UBE2U: variants seen among roughly 807,000 people sequenced by gnomAD.
UBE2U encodes the protein ubiquitin conjugating enzyme E2 U, also known as ubiquitin-conjugating enzyme E2 U.
Under a neutral mutation model 41.2 loss-of-function variants are expected in UBE2U, and 39 were observed. The observed-to-expected ratio is 0.95, with a 90% CI of 0.73 to 1.24. UBE2U has a LOEUF of 1.24. UBE2U is among the 50% of genes most tolerant of loss of function. The pLI, the probability that UBE2U is intolerant of heterozygous loss-of-function variation, is 0.00. For missense variants in UBE2U, 336 were observed against 363.1 expected (o/e 0.93, Z 0.61); for synonymous variants, 107 against 117.8 (o/e 0.91, Z 0.60).
At chr1:64,212,819 A>G (rs1395532381) in intron 4 of UBE2U, among the ~76,000 whole-genome samples, 1 of 152,132 alleles carries the variant, frequency 6.6e-6, no homozygotes, top group African/African-American at 2.4e-5. Flanking sequence ...AGGATGCTGA[A>G]CCTCTAGTTA....
intron 5 of UBE2U, among the ~76,000 whole-genome samples, chr1:64,220,276 A>G (rs143432434): frequency 1.3e-5 from 2 of 151,362 alleles, no homozygotes; most frequent in Non-Finnish European, 3.0e-5. Flanking sequence ...AAGTGCAAGC[A>G]AGAGAGAGAG....
intron 6 of UBE2U, among the ~76,000 whole-genome samples, chr1:64,221,429 T>A (rs1181961477): frequency 6.6e-6 from 1 of 152,206 alleles, no homozygotes. Context: ...GCCTTTTTTA[T>A]ATTTTTGAAA....
At position 64,203,640 on chromosome 1, in the gene UBE2U, C is replaced by A. The variant is rs1007690357; in HGVS notation, c.-411C>A. 1.9e-5 allele frequency: 3 copies of A among 157,394 alleles called. No homozygotes were observed. Among genetic ancestry groups the A allele is most frequent in the African/African-American group, 7.2e-5 (3 of 41,708 alleles). 9.7% of individuals were successfully genotyped at this position (157,394 alleles called of 1,614,324 possible). A position where few individuals can be genotyped will look rare whatever the true frequency, so the allele number is the denominator to read the frequency against. ...TGGTTGGCAACCGATTTGCTTCCTC[C>A]GGTGCGTGGCTGCGGGGTTGCACCT... On this transcript the variant is annotated 5_prime_UTR_variant, in exon 1 of 10. Transcript: ENST00000371077.
intron 7 of UBE2U, among the ~76,000 whole-genome samples, chr1:64,239,141 GAAGAAGAAGAAGAAGAAAGAAGAAGAA>G (rs1557730571): frequency 3.6e-3 from 100 of 28,132 alleles, no homozygotes; most frequent in Non-Finnish European, 4.5e-3. Context: ...AGAAGAAGAA[GAAGAAGAAGAAGAAGAAAGAAGAAGAA>G]GAAGAAGAAG....
At chr1:64,231,096 T>C (rs1644555488) in intron 6 of UBE2U, among the ~76,000 whole-genome samples, 1 of 152,210 alleles carries the variant, frequency 6.6e-6, no homozygotes, top group Non-Finnish European at 1.5e-5. Context: ...CAAACCACAC[T>C]AAAGTTATAC....
At chr1:64,218,473 G>C (rs1314413937) in intron 5 of UBE2U, among the ~76,000 whole-genome samples, 10 of 152,126 alleles carry the variant, frequency 6.6e-5, no homozygotes, top group Admixed American at 5.2e-4. Flanking sequence ...ACAAATAATA[G>C]GAATCAGTTT....
intron 8 of UBE2U, among the ~76,000 whole-genome samples, chr1:64,253,521 C>A (rs1477262835): frequency 6.6e-6 from 1 of 151,856 alleles, no homozygotes; most frequent in Non-Finnish European, 1.5e-5. Flanking sequence ...GAGAGAAAGG[C>A]CAAGGCACCT....
At chr1:64,244,385 A>G (rs2100474366) in intron 8 of UBE2U, 1 of 583,302 alleles carries the variant, frequency 1.7e-6, no homozygotes, top group Non-Finnish European at 2.2e-6. Flanking sequence ...AAAAATTAAT[A>G]TAGCATCACA....
chr1:64,220,893 A>G lies in UBE2U; in HGVS notation c.492A>G (p.Pro164=), dbSNP rs749214559. The change falls in exon 6 of 10, where the codon CCA becomes CCG. Residue 164 remains proline (P), a synonymous_variant. Coordinates refer to ENST00000371077, the MANE Select transcript of UBE2U (RefSeq NM_001366232.2). ...ACAGCCAGGAGTTACCTAAAGACCC[A>G]CGTAAATGTATCAGGTAAGTTTTTC... is the stretch of plus-strand genomic sequence containing the variant. ...KDDSQELPKD[P]RKCIRPIKTT... The G allele has an allele frequency of 1.2e-6, 2 of 1,604,604 alleles. No homozygotes were observed. The highest frequency in any genetic ancestry group is 4.5e-5 in the East Asian group (2 of 44,606).
At chr1:64,254,058 G>C (rs1171532773) in intron 8 of UBE2U, among the ~76,000 whole-genome samples, 1 of 152,140 alleles carries the variant, frequency 6.6e-6, no homozygotes, top group Non-Finnish European at 1.5e-5. Flanking sequence ...AAAATAAAGG[G>C]ATGGAGGAAA....
intron 3 of UBE2U, among the ~76,000 whole-genome samples, chr1:64,207,727 G>T (rs553561374): frequency 6.6e-6 from 1 of 152,228 alleles, no homozygotes; most frequent in African/African-American, 2.4e-5. Flanking sequence ...AAATCTAATA[G>T]AATTTTTATG....
chr1:64,204,818 G>A (rs1010318382), intron 1 of UBE2U, among the ~76,000 whole-genome samples: 1 of 152,204 alleles, frequency 6.6e-6, no homozygotes, highest in African/African-American at 2.4e-5. Flanking sequence ...TTCAGGTGTA[G>A]TTCAGTGGCA....
chr1:64,261,825 T>G (rs1203289626), intron 9 of UBE2U, among the ~76,000 whole-genome samples: 1 of 152,220 alleles, frequency 6.6e-6, no homozygotes, highest in Non-Finnish European at 1.5e-5. Context: ...TTGATGTGAT[T>G]ACAGTAATTT....
chr1:64,239,157 A>AAGAAT, intron 7 of UBE2U, among the ~76,000 whole-genome samples: 2 of 37,064 alleles, frequency 5.4e-5, no homozygotes, highest in African/African-American at 1.7e-4. Flanking sequence ...GAAGAAGAAG[A>AAGAAT]AAGAAGAAGA....
chr1:64,260,015 C>T (rs1004167776), intron 8 of UBE2U, among the ~76,000 whole-genome samples: 3 of 151,006 alleles, frequency 2.0e-5, no homozygotes, highest in African/African-American at 4.9e-5. Context: ...GACTGTTGTC[C>T]TTATAAGAGA....
chr1:64,250,082 T>C (rs1187728537), intron 8 of UBE2U, among the ~76,000 whole-genome samples: 2 of 152,180 alleles, frequency 1.3e-5, no homozygotes, highest in Non-Finnish European at 2.9e-5. Context: ...AAAAACTTCA[T>C]GTCAGAAGCC....
At chr1:64,260,118 TGCTGACAG>T (rs1176209544) in intron 8 of UBE2U, among the ~76,000 whole-genome samples, 1 of 152,094 alleles carries the variant, frequency 6.6e-6, no homozygotes, top group Admixed American at 6.6e-5. Flanking sequence ...TGTAAAGGAT[TGCTGACAG>T]CCAGCAGAAG....
At chr1:64,225,557 T>C (rs998388946) in intron 6 of UBE2U, among the ~76,000 whole-genome samples, 25 of 152,240 alleles carry the variant, frequency 1.6e-4, no homozygotes, top group African/African-American at 5.5e-4. Flanking sequence ...ATGAGGGCAA[T>C]AGTTTGTGAA....
intron 7 of UBE2U, among the ~76,000 whole-genome samples, chr1:64,239,195 C>T (rs1039911112): frequency 2.3e-5 from 3 of 128,182 alleles, no homozygotes; most frequent in East Asian, 4.7e-4. Flanking sequence ...AAGAAGAAAG[C>T]CCCAGACAAG....
Sources: allele counts gnomAD v4.1 joint callset (sites outside exome capture counted in the v4.1 genomes callset), GRCh38; gene constraint gnomAD v4.1.1; transcripts MANE v1.5; gene names NCBI Gene and HGNC (gene_info 2026-07-23, HGNC 2026-07-21).